The following ARB2A variants were observed in gnomAD, a reference collection of about 807,000 sequenced individuals.
ARB2A encodes the protein ARB2 cotranscriptional regulator A.
At chr5:93,763,324 T>C in the ARB2A span, among the ~76,000 whole-genome samples, 2 of 151,966 alleles carry the variant, frequency 1.3e-5, no homozygotes, top group African/African-American at 2.4e-5. Context: ...GAGACACACA[T>C]AGGTTCAAAA....
the ARB2A span, among the ~76,000 whole-genome samples, chr5:93,716,693 C>CAAAAA: frequency 1.7e-3 from 61 of 36,494 alleles, no homozygotes; most frequent in East Asian, 2.9e-3. Flanking sequence ...ATAAGCTGTG[C>CAAAAA]AAAAAAAAAA....
chr5:93,911,605 CATGTT>C, the ARB2A span, among the ~76,000 whole-genome samples: 1 of 150,408 alleles, frequency 6.6e-6, no homozygotes, highest in African/African-American at 2.4e-5. Context: ...TTCTACAGTT[CATGTT>C]GTTTGTGGCA....
the ARB2A span, among the ~76,000 whole-genome samples, chr5:94,067,922 A>G: frequency 6.6e-6 from 1 of 152,242 alleles, no homozygotes; most frequent in Non-Finnish European, 1.5e-5. Context: ...TTCGAAATAC[A>G]TTACAAAGTT....
At chr5:94,032,047 G>A in the ARB2A span, among the ~76,000 whole-genome samples, 2 of 152,208 alleles carry the variant, frequency 1.3e-5, no homozygotes, top group African/African-American at 4.8e-5. Flanking sequence ...AACTGCCTGG[G>A]AGCCCAGGCA....
the ARB2A span, among the ~76,000 whole-genome samples, chr5:93,761,005 G>A: frequency 6.6e-6 from 1 of 152,298 alleles, no homozygotes; most frequent in South Asian, 2.1e-4. Flanking sequence ...CTATACATCT[G>A]ACAAAGGACT....
At chr5:93,975,975 G>A in the ARB2A span, among the ~76,000 whole-genome samples, 5 of 152,004 alleles carry the variant, frequency 3.3e-5, no homozygotes, top group Non-Finnish European at 7.4e-5. Context: ...GATGAACAGA[G>A]ACCAATCAAT....
the ARB2A span, among the ~76,000 whole-genome samples, chr5:93,960,012 G>A: frequency 6.8e-6 from 1 of 147,560 alleles, no homozygotes; most frequent in Non-Finnish European, 1.5e-5. Context: ...TAACGTAATA[G>A]CTCTTCACTT....
the ARB2A span, among the ~76,000 whole-genome samples, chr5:93,897,906 G>T: frequency 6.6e-6 from 1 of 151,754 alleles, no homozygotes; most frequent in Non-Finnish European, 1.5e-5. Context: ...GAGATGTTTA[G>T]AATCTCCATC....
At chr5:93,974,554 A>G in the ARB2A span, among the ~76,000 whole-genome samples, 1 of 152,114 alleles carries the variant, frequency 6.6e-6, no homozygotes, top group African/African-American at 2.4e-5. Context: ...GCAGAAAACA[A>G]ACAAACAAAA....
chr5:93,868,088 GGGA>G, the ARB2A span, among the ~76,000 whole-genome samples: 2 of 152,218 alleles, frequency 1.3e-5, no homozygotes, highest in South Asian at 4.1e-4. Context: ...GGGATGCCAA[GGGA>G]GGAGGATTGC....
At chr5:93,656,252 A>T in the ARB2A span, among the ~76,000 whole-genome samples, 7 of 152,202 alleles carry the variant, frequency 4.6e-5, no homozygotes, top group Non-Finnish European at 8.8e-5. Flanking sequence ...GAAAAATTTT[A>T]AAATTTCAAA....
At chr5:94,081,223 T>C in the ARB2A span, among the ~76,000 whole-genome samples, 1 of 152,190 alleles carries the variant, frequency 6.6e-6, no homozygotes, top group African/African-American at 2.4e-5. Context: ...ATACCTGATA[T>C]ATTGCTAGTG....
At chr5:93,627,107 C>T in the ARB2A span, among the ~76,000 whole-genome samples, 1 of 152,252 alleles carries the variant, frequency 6.6e-6, no homozygotes, top group South Asian at 2.1e-4. Flanking sequence ...AATAACTCCT[C>T]ATCTCTTAAT....
chr5:93,907,908 G>A, the ARB2A span, among the ~76,000 whole-genome samples: 1 of 151,186 alleles, frequency 6.6e-6, no homozygotes, highest in East Asian at 1.9e-4. Context: ...AGTAGGATAA[G>A]CTTTCGAAAG....
At chr5:94,007,123 C>T in the ARB2A span, among the ~76,000 whole-genome samples, 8 of 152,008 alleles carry the variant, frequency 5.3e-5, no homozygotes, top group Non-Finnish European at 8.8e-5. Flanking sequence ...TTCCAGAAAA[C>T]GAAATCAAGT....
chr5:93,889,373 A>G, the ARB2A span, among the ~76,000 whole-genome samples: 1 of 151,870 alleles, frequency 6.6e-6, no homozygotes, highest in Admixed American at 6.6e-5. Flanking sequence ...CAATACACAT[A>G]TATCTCCTAA....
the ARB2A span, chr5:93,805,916 A>T: frequency 1.0e-6 from 1 of 984,988 alleles, no homozygotes; most frequent in Non-Finnish European, 1.2e-6. Context: ...TTTGATCATG[A>T]GTTGCTGTGA....
chr5:93,681,366 A>C, the ARB2A span, among the ~76,000 whole-genome samples: 1 of 152,108 alleles, frequency 6.6e-6, no homozygotes, highest in Non-Finnish European at 1.5e-5. Context: ...ATTAAACTTA[A>C]AACTCTTTAG....
chr5:93,785,561 C>A, the ARB2A span, among the ~76,000 whole-genome samples: 1 of 152,090 alleles, frequency 6.6e-6, no homozygotes, highest in African/African-American at 2.4e-5. Flanking sequence ...CCAAAGGATG[C>A]CTGTTGGCGT....
Sources: allele counts gnomAD v4.1 joint callset (sites outside exome capture counted in the v4.1 genomes callset), GRCh38; gene constraint gnomAD v4.1.1; transcripts MANE v1.5; gene names NCBI Gene and HGNC (gene_info 2026-07-23, HGNC 2026-07-21).